The following BACH2 variants were observed in gnomAD, a reference collection of about 807,000 sequenced individuals.
BACH2 encodes BACH transcriptional regulator 2.
In BACH2, 5 loss-of-function variants were observed where a neutral mutation model predicts 61.8. The ratio of observed to expected loss-of-function variants is 0.08; its 90% CI spans 0.04 to 0.17. The LOEUF (loss-of-function observed/expected upper bound fraction) is 0.17, where lower values mean the gene tolerates loss of function less well. Ranked by LOEUF, BACH2 falls within the 10% of genes least tolerant of loss-of-function variation. The pLI, the probability that BACH2 is intolerant of heterozygous loss-of-function variation, is 1.00. For missense variants in BACH2, 824 were observed against 1,091.1 expected (o/e 0.76, Z 3.45); for synonymous variants, 446 against 440.1 (o/e 1.01, Z -0.17).
intron 2 of BACH2, among the ~76,000 whole-genome samples, chr6:90,263,843 G>A (rs1261396988): frequency 6.6e-6 from 1 of 152,140 alleles, no homozygotes; most frequent in Admixed American, 6.5e-5. Context: ...ATGTTCTCAA[G>A]GTAATGGCAC....
Position 90,113,150 on chromosome 6 carries a change from G to A in BACH2, c.-161-24041C>T, listed in dbSNP as rs546620252. Among the ~76,000 whole-genome samples the A allele has an allele frequency of 3.3e-5, 5 of 152,222 alleles. No homozygotes were observed. In the South Asian group the frequency reaches 8.3e-4, roughly 25 times the overall value. On this transcript the variant is annotated intron_variant, in intron 4 of 8. Coordinates refer to ENST00000257749, the MANE Select transcript of BACH2 (RefSeq NM_021813.4). ...AAGAGATACAGATTCCCACACAATA[G>A]TTGTGGGAGACTTCAACACTCCACT...
At chr6:90,293,820 TGTGCACTTATTCA>T (rs1772255207) in intron 1 of BACH2, among the ~76,000 whole-genome samples, 1 of 152,244 alleles carries the variant, frequency 6.6e-6, no homozygotes, top group African/African-American at 2.4e-5. Flanking sequence ...ATAACAATAC[TGTGCACTTATTCA>T]GTGCCTTTCA....
chr6:90,292,753 G>C (rs1291018567), intron 1 of BACH2, among the ~76,000 whole-genome samples: 1 of 152,222 alleles, frequency 6.6e-6, no homozygotes, highest in Non-Finnish European at 1.5e-5. Context: ...AGTAGTGGGA[G>C]ACAAGCAGCC....
chr6:90,079,169 C>T (rs1009036125), intron 5 of BACH2, among the ~76,000 whole-genome samples: 1 of 152,180 alleles, frequency 6.6e-6, no homozygotes, highest in Admixed American at 6.5e-5. Flanking sequence ...TGGTTGCATT[C>T]GACTCAGCAG....
chr6:90,262,292 G>A (rs1771184500), intron 2 of BACH2, among the ~76,000 whole-genome samples: 1 of 152,138 alleles, frequency 6.6e-6, no homozygotes, highest in Admixed American at 6.6e-5. Context: ...GCCCTAACTG[G>A]GGGAATCTAC....
chr6:89,991,504 T>G (rs553281161), intron 6 of BACH2, among the ~76,000 whole-genome samples: 8 of 152,298 alleles, frequency 5.3e-5, no homozygotes, highest in Non-Finnish European at 8.8e-5. Context: ...CACATGCATA[T>G]GTTTTCCCAG....
At chr6:90,230,657 C>A (rs753934819) in intron 3 of BACH2, among the ~76,000 whole-genome samples, 1 of 152,104 alleles carries the variant, frequency 6.6e-6, no homozygotes, top group Admixed American at 6.5e-5. Flanking sequence ...TAACAATGAA[C>A]GGTACTTCTA....
intron 4 of BACH2, among the ~76,000 whole-genome samples, chr6:90,090,082 A>C (rs1223204652): frequency 1.3e-5 from 2 of 152,192 alleles, no homozygotes; most frequent in African/African-American, 4.8e-5. Context: ...GCACATACTC[A>C]AAGTATTGCT....
chr6:90,020,485 T>A (rs1477076392), intron 5 of BACH2, among the ~76,000 whole-genome samples: 1 of 152,120 alleles, frequency 6.6e-6, no homozygotes, highest in African/African-American at 2.4e-5. Flanking sequence ...TGTGATGCCC[T>A]GTGCCACCTT....
At chr6:90,004,459 A>G (rs1270778320) in intron 6 of BACH2, among the ~76,000 whole-genome samples, 1 of 152,194 alleles carries the variant, frequency 6.6e-6, no homozygotes, top group African/African-American at 2.4e-5. Flanking sequence ...GGGTACAAGG[A>G]CACAGGAAGC....
intron 5 of BACH2, among the ~76,000 whole-genome samples, chr6:90,067,376 G>A (rs974776113): frequency 6.6e-6 from 1 of 152,190 alleles, no homozygotes. Flanking sequence ...AGGAAGGGGA[G>A]CTGGGATGTT....
intron 5 of BACH2, among the ~76,000 whole-genome samples, chr6:90,069,656 A>T (rs1781130722): frequency 1.3e-5 from 2 of 152,192 alleles, no homozygotes; most frequent in Non-Finnish European, 2.9e-5. Flanking sequence ...CCTCCCCAAA[A>T]TGCTACACAT....
At chr6:90,152,334 T>A (rs959964714) in intron 4 of BACH2, among the ~76,000 whole-genome samples, 1 of 152,222 alleles carries the variant, frequency 6.6e-6, no homozygotes, top group African/African-American at 2.4e-5. Flanking sequence ...TCAGCAGTAA[T>A]GCTGAAATAA....
chr6:90,021,701 T>C (rs1010936952), intron 5 of BACH2, among the ~76,000 whole-genome samples: 3 of 152,206 alleles, frequency 2.0e-5, no homozygotes, highest in Admixed American at 1.3e-4. Context: ...ATTACTTACT[T>C]ATTACTTTTG....
intron 6 of BACH2, among the ~76,000 whole-genome samples, chr6:89,964,486 T>C (rs1287151911): frequency 6.6e-6 from 1 of 152,236 alleles, no homozygotes; most frequent in East Asian, 1.9e-4. Flanking sequence ...TTGAAATATT[T>C]TGGACCGTAC....
chr6:90,020,803 T>C (rs1778330839), intron 5 of BACH2, among the ~76,000 whole-genome samples: 1 of 152,124 alleles, frequency 6.6e-6, no homozygotes, highest in African/African-American at 2.4e-5. Flanking sequence ...CACTCCTCCA[T>C]GCAGCAAATC....
intron 4 of BACH2, among the ~76,000 whole-genome samples, chr6:90,113,691 A>G (rs1201005386): frequency 6.6e-6 from 1 of 152,176 alleles, no homozygotes; most frequent in Admixed American, 6.5e-5. Context: ...TCAGAGCTGA[A>G]CTGAAGAATA....
At chr6:90,030,899 A>C (rs1425549621) in intron 5 of BACH2, among the ~76,000 whole-genome samples, 3 of 149,116 alleles carry the variant, frequency 2.0e-5, no homozygotes, top group Non-Finnish European at 4.4e-5. Context: ...GAGACACAAC[A>C]AAAAAAGAGA....
chr6:90,090,980 C>T (rs964605985), intron 4 of BACH2, among the ~76,000 whole-genome samples: 31 of 152,154 alleles, frequency 2.0e-4, no homozygotes, highest in African/African-American at 7.2e-4. Flanking sequence ...TGTGTCCACT[C>T]CAATGCCAGG....
Sources: gnomAD v4.1 joint callset for allele counts (sites outside exome capture counted in the v4.1 genomes callset) on GRCh38, gnomAD v4.1.1 for gene constraint, MANE v1.5 for transcripts, NCBI Gene and HGNC (gene_info 2026-07-23, HGNC 2026-07-21) for gene names.